The following TRIM5 variants were observed in gnomAD, a reference collection of about 807,000 sequenced individuals.
The protein encoded by TRIM5 is tripartite motif containing 5.
Under a neutral mutation model 35.6 loss-of-function variants are expected in TRIM5, and 31 were observed. The observed-to-expected ratio is 0.87, with a 90% CI of 0.65 to 1.18. The LOEUF (loss-of-function observed/expected upper bound fraction) is 1.18. TRIM5 is among the 50% of genes most tolerant of loss of function. The probability of loss-of-function intolerance (pLI) is 0.00; values close to 1 mark genes in which losing one functional copy is unlikely to be tolerated. For missense variants in TRIM5, 609 were observed against 591.6 expected, an observed-to-expected ratio of 1.03 and a Z score of -0.31; for synonymous variants, 243 against 215.6, an observed-to-expected ratio of 1.13 and a Z score of -1.11.
chr11:5,618,686 T>G, the TRIM5 span, among the ~76,000 whole-genome samples: 1 of 152,266 alleles, frequency 6.6e-6, no homozygotes, highest in Admixed American at 6.5e-5. Flanking sequence ...ATTAATCTAC[T>G]ATAAAACAAT....
At chr11:5,657,539 ATAT>A in the TRIM5 span, among the ~76,000 whole-genome samples, 1 of 118,104 alleles carries the variant, frequency 8.5e-6, no homozygotes, top group Non-Finnish European at 1.6e-5. Context: ...TATTATTTAT[ATAT>A]TATATATAAT....
Position 5,665,112 on chromosome 11 carries a change from A to G in TRIM5, c.1179T>C (p.Tyr393=). Residue 393 remains tyrosine (Y), a synonymous_variant, in exon 8 of 8, where the codon TAT becomes TAC. Transcript: ENST00000380034. ...AMCNIEKNEN[Y]QPKYGYWVIG... ...TAACCCAGTAGCCGTATTTAGGTTG[A>G]TAATTTTCATTTTTTTCAATATTAC... 6.2e-7 allele frequency: 1 copy of G among 1,614,102 alleles called. No individual in the cohort carries two copies. Among genetic ancestry groups the G allele is most frequent in the South Asian group, 1.1e-5 (1 of 91,074 alleles).
At chr11:5,618,230 C>T in the TRIM5 span, among the ~76,000 whole-genome samples, 6 of 152,222 alleles carry the variant, frequency 3.9e-5, no homozygotes, top group African/African-American at 7.2e-5. Flanking sequence ...ATTAGCCGGG[C>T]ATGGTGGCCC....
chr11:5,624,383 A>G, the TRIM5 span, among the ~76,000 whole-genome samples: 6 of 152,194 alleles, frequency 3.9e-5, no homozygotes, highest in Non-Finnish European at 7.3e-5. Flanking sequence ...TTTGTAGCCA[A>G]CTTTTCTCAG....
Position 5,674,044 on chromosome 11 carries a change from G to A in TRIM5, c.744+4160C>T, listed in dbSNP as rs563834810. 1.7e-4 allele frequency among the ~76,000 whole-genome samples: 26 copies of A among 151,934 alleles called. No homozygotes were observed. The South Asian group carries it at 4.8e-3, about 28-fold the overall frequency. On this transcript the variant is annotated intron_variant, in intron 4 of 7. Transcript: ENST00000380034. ...AAATAATAAAGATCAGAGCAGAAAC[G>A]ATACAGAAAGGTTAAAAAAAGATAA...
the TRIM5 span, among the ~76,000 whole-genome samples, chr11:5,626,267 A>C: frequency 6.6e-6 from 1 of 152,312 alleles, no homozygotes; most frequent in Admixed American, 6.5e-5. Flanking sequence ...AATATGAAAT[A>C]TACGTGGAAG....
chr11:5,644,427 T>C, the TRIM5 span: 6 of 394,792 alleles, frequency 1.5e-5, no homozygotes, highest in Non-Finnish European at 2.2e-5. Context: ...TCCTGTGCAA[T>C]AGTTTTGTGG....
the TRIM5 span, chr11:5,595,229 C>T: frequency 1.3e-5 from 2 of 152,230 alleles, no homozygotes; most frequent in African/African-American, 4.8e-5. Context: ...AGGTGATACT[C>T]ACCTAATCAG....
In TRIM5 at chr11:5,664,743, T is replaced by C. The variant is rs1011165346; in HGVS notation, c.*66A>G. 2.0e-6 allele frequency: 3 copies of C among 1,510,592 alleles called. No homozygotes were observed. Among genetic ancestry groups the C allele is most frequent in the African/African-American group, 2.8e-5 (2 of 71,528 alleles). The allele number at this position is 1,510,592 out of a possible 1,614,324, so 93.6% of individuals were successfully genotyped here. ...AGATGGTTAAAATGATGCAAATGAG[T>C]TCAGGTGTATGAGATGCACCTGGAC... On this transcript the variant is annotated 3_prime_UTR_variant, in exon 8 of 8. Transcript: ENST00000380034.
chr11:5,609,951 T>A, the TRIM5 span, among the ~76,000 whole-genome samples: 4 of 152,080 alleles, frequency 2.6e-5, no homozygotes, highest in Non-Finnish European at 5.9e-5. Flanking sequence ...TTACACAAGT[T>A]TATGTAGATG....
At chr11:5,642,860 C>T in the TRIM5 span, 1 of 1,613,660 alleles carries the variant, frequency 6.2e-7, no homozygotes. Flanking sequence ...AAAAGTTAGT[C>T]TTTAAATAAC....
At chr11:5,652,857 T>C in the TRIM5 span, among the ~76,000 whole-genome samples, 14 of 146,180 alleles carry the variant, frequency 9.6e-5, no homozygotes, top group South Asian at 2.8e-3. Context: ...TTTTTCTTTT[T>C]TTTTTTTTTT....
At chr11:5,634,081 T>C in the TRIM5 span, among the ~76,000 whole-genome samples, 3 of 152,186 alleles carry the variant, frequency 2.0e-5, no homozygotes, top group Admixed American at 6.5e-5. Flanking sequence ...CAATTACACA[T>C]ACATACCTGG....
the TRIM5 span, chr11:5,642,775 C>G: frequency 6.2e-7 from 1 of 1,613,086 alleles, no homozygotes; most frequent in Non-Finnish European, 8.5e-7. Context: ...GTGCTTACTC[C>G]TTTGTTTCTA....
chr11:5,619,289 C>T, the TRIM5 span, among the ~76,000 whole-genome samples: 1 of 152,204 alleles, frequency 6.6e-6, no homozygotes, highest in East Asian at 1.9e-4. Flanking sequence ...CAGTGGTAAC[C>T]ACATGATCGT....
chr11:5,640,591 T>C, the TRIM5 span, among the ~76,000 whole-genome samples: 4 of 152,198 alleles, frequency 2.6e-5, no homozygotes, highest in Non-Finnish European at 5.9e-5. Context: ...TATTGGTCTA[T>C]GGTTTTCTTT....
chr11:5,655,700 C>A, the TRIM5 span: 1 of 985,222 alleles, frequency 1.0e-6, no homozygotes, highest in Non-Finnish European at 1.2e-6. Flanking sequence ...CTGGCATATG[C>A]AGTCAAAAAA....
the TRIM5 span, among the ~76,000 whole-genome samples, chr11:5,649,512 G>C: frequency 6.6e-6 from 1 of 152,130 alleles, no homozygotes; most frequent in East Asian, 1.9e-4. Context: ...TGTTCTAAGT[G>C]TCCTTGATAG....
At chr11:5,615,536 T>G in the TRIM5 span, among the ~76,000 whole-genome samples, 26 of 152,272 alleles carry the variant, frequency 1.7e-4, 1 homozygote, top group South Asian at 5.2e-3. Context: ...AATTCTACTT[T>G]GTTAGGTATT....
Sources: allele counts gnomAD v4.1 joint callset (sites outside exome capture counted in the v4.1 genomes callset), GRCh38; gene constraint gnomAD v4.1.1; transcripts MANE v1.5; gene names NCBI Gene and HGNC (gene_info 2026-07-23, HGNC 2026-07-21).